The following OTUD7A variants were observed in gnomAD, a reference collection of about 807,000 sequenced individuals.
OTUD7A encodes the protein OTU deubiquitinase 7A.
Under a neutral mutation model 65.7 loss-of-function variants are expected in OTUD7A, and 12 were observed. That is an observed-to-expected ratio of 0.18 (90% CI 0.12 to 0.30). The LOEUF (loss-of-function observed/expected upper bound fraction) is 0.30. Among genes scored for constraint, OTUD7A ranks in the 10% least tolerant of loss-of-function variants. The pLI is 1.00. For missense variants in OTUD7A, 1,148 were observed against 1,304.8 expected (o/e 0.88, Z 1.85); for synonymous variants, 641 against 586.3 (o/e 1.09, Z -1.35).
chr15:31,695,328 T>A (rs927490651), intron 1 of OTUD7A, among the ~76,000 whole-genome samples: 1 of 139,602 alleles, frequency 7.2e-6, no homozygotes, highest in African/African-American at 2.5e-5. Flanking sequence ...GTTCTAGTTT[T>A]ATTTTACTGA....
At chr15:31,586,119 C>T (rs551650153) in intron 3 of OTUD7A, among the ~76,000 whole-genome samples, 1 of 152,280 alleles carries the variant, frequency 6.6e-6, no homozygotes, top group South Asian at 2.1e-4. Flanking sequence ...ATTAACCCTT[C>T]CTATTACTCT....
chr15:31,672,072 T>C (rs1892497673), intron 1 of OTUD7A, among the ~76,000 whole-genome samples: 1 of 152,258 alleles, frequency 6.6e-6, no homozygotes, highest in Non-Finnish European at 1.5e-5. Context: ...GATTGAGCTA[T>C]GGTTTTTACT....
At chr15:31,485,191 C>T (rs2041219556) in intron 12 of OTUD7A, among the ~76,000 whole-genome samples, 2 of 152,336 alleles carry the variant, frequency 1.3e-5, no homozygotes, top group African/African-American at 4.8e-5. Context: ...AGGCTGGCCT[C>T]TGTAAGGATG....
At chr15:31,582,596 G>A (rs1203979097) in intron 3 of OTUD7A, among the ~76,000 whole-genome samples, 2 of 152,222 alleles carry the variant, frequency 1.3e-5, no homozygotes, top group African/African-American at 2.4e-5. Flanking sequence ...AGGCAAGAGA[G>A]CTCGTGTAGG....
chr15:31,613,219 C>G (rs573120277), intron 3 of OTUD7A, among the ~76,000 whole-genome samples: 28 of 152,296 alleles, frequency 1.8e-4, no homozygotes, highest in Admixed American at 1.4e-3. Context: ...AAAACCCCTT[C>G]TAGACATTGG....
At position 31,479,557 on chromosome 15, in the gene OTUD7A, A is replaced by G. The variant is rs1294776098; in HGVS notation, c.*3737T>C. 1 of 151,740 alleles carries G rather than the reference A, an allele frequency of 6.6e-6. No homozygotes were observed. Among genetic ancestry groups the G allele is most frequent in the Non-Finnish European group, 1.5e-5 (1 of 67,958 alleles). 9.4% of individuals were successfully genotyped at this position (151,740 alleles called of 1,614,324 possible). Reference sequence around the variant, plus strand: ...CTGTTTTTTCTTGTACAAATTTCCCACCACTGATAAGTACAGCCCTTTTAT... The same window carrying G: ...CTGTTTTTTCTTGTACAAATTTCCCGCCACTGATAAGTACAGCCCTTTTAT... On this transcript the variant is annotated 3_prime_UTR_variant, in exon 13 of 13. Coordinates refer to ENST00000307050, the MANE Select transcript of OTUD7A (RefSeq NM_001382637.1).
intron 5 of OTUD7A, among the ~76,000 whole-genome samples, chr15:31,549,527 C>G (rs1228942661): frequency 6.6e-6 from 1 of 152,156 alleles, no homozygotes; most frequent in East Asian, 1.9e-4. Flanking sequence ...GATGTAATTA[C>G]TTTACTATTC....
intron 3 of OTUD7A, among the ~76,000 whole-genome samples, chr15:31,625,134 T>G (rs1358357465): frequency 6.6e-6 from 1 of 152,110 alleles, no homozygotes; most frequent in Non-Finnish European, 1.5e-5. Context: ...GAGGCTGTGG[T>G]GAGGCTCTGA....
chr15:31,580,652 T>C (rs796596226), intron 3 of OTUD7A, among the ~76,000 whole-genome samples: 47 of 152,294 alleles, frequency 3.1e-4, no homozygotes, highest in African/African-American at 1.1e-3. Context: ...AGTAAAGTCA[T>C]GTCTTACATG....
chr15:31,699,414 T>C (rs981126165), intron 1 of OTUD7A, among the ~76,000 whole-genome samples: 24 of 152,124 alleles, frequency 1.6e-4, no homozygotes, highest in Admixed American at 9.2e-4. Context: ...CCGAGGTGAG[T>C]TTCAGGGTAG....
intron 1 of OTUD7A, among the ~76,000 whole-genome samples, chr15:31,690,675 T>G (rs1260891708): frequency 1.3e-5 from 2 of 152,206 alleles, no homozygotes; most frequent in Admixed American, 6.5e-5. Flanking sequence ...GACCATTCCA[T>G]GTGGAAAGAA....
At chr15:31,785,970 G>A (rs1436751569) in intron 1 of OTUD7A, among the ~76,000 whole-genome samples, 1 of 152,204 alleles carries the variant, frequency 6.6e-6, no homozygotes, top group Non-Finnish European at 1.5e-5. Flanking sequence ...TTAAGAGGCA[G>A]AGCCCTCAGG....
chr15:31,581,885 C>T (rs1323603630), intron 3 of OTUD7A, among the ~76,000 whole-genome samples: 1 of 152,234 alleles, frequency 6.6e-6, no homozygotes, highest in Non-Finnish European at 1.5e-5. Flanking sequence ...TGAGTTTCCC[C>T]CCAGATAATG....
intron 4 of OTUD7A, 152 bp from the exon 5 acceptor site, chr15:31,559,339 C>A: frequency 1.4e-6 from 1 of 703,108 alleles, no homozygotes; most frequent in South Asian, 1.9e-5. Context: ...CCACACAACA[C>A]ACAAAAATAC....
intron 1 of OTUD7A, among the ~76,000 whole-genome samples, chr15:31,665,217 G>C (rs1196879391): frequency 6.6e-6 from 1 of 152,138 alleles, no homozygotes; most frequent in Non-Finnish European, 1.5e-5. Context: ...TATTTTGATG[G>C]GGATTGCACT....
chr15:31,815,638 C>A (rs1454850802), intron 1 of OTUD7A, among the ~76,000 whole-genome samples: 1 of 152,206 alleles, frequency 6.6e-6, no homozygotes, highest in African/African-American at 2.4e-5. Context: ...ATGGTTGGGT[C>A]CATTCCGGAA....
chr15:31,609,603 C>T (rs1286257997), intron 3 of OTUD7A, among the ~76,000 whole-genome samples: 2 of 152,162 alleles, frequency 1.3e-5, no homozygotes, highest in Non-Finnish European at 2.9e-5. Flanking sequence ...ACACGCCTAG[C>T]CCTGCCCCCC....
chr15:31,505,344 T>A (rs1237922820), intron 8 of OTUD7A, among the ~76,000 whole-genome samples: 1 of 152,210 alleles, frequency 6.6e-6, no homozygotes, highest in African/African-American at 2.4e-5. Context: ...CTAGTATAAG[T>A]ATGCTAGGGC....
rs573373257 is a variant in OTUD7A at position 31,669,291 on chromosome 15, G to T, written c.-99-12214C>A. ...TCAGGTGGGGGCAGGGTTGGGTGTC[G>T]TAGTTCAGACTGTCCTTCGGTGCGT... On this transcript the variant is annotated intron_variant, in intron 1 of 12. Coordinates refer to ENST00000307050, the MANE Select transcript of OTUD7A (RefSeq NM_001382637.1). Among the ~76,000 whole-genome samples, 307 of 152,232 alleles carry T rather than the reference G, an allele frequency of 2.0e-3. 1 individual carries two copies. The highest frequency in any genetic ancestry group is 6.1e-3 in the African/African-American group (255 of 41,526).
Sources: gnomAD v4.1 joint callset for allele counts (sites outside exome capture counted in the v4.1 genomes callset) on GRCh38, gnomAD v4.1.1 for gene constraint, MANE v1.5 for transcripts, NCBI Gene and HGNC (gene_info 2026-07-23, HGNC 2026-07-21) for gene names.